The following UGGT2 variants were observed in gnomAD, a reference collection of about 807,000 sequenced individuals.
UGGT2 encodes the protein UDP-glucose:glycoprotein glucosyltransferase 2.
UGGT2 carries 180 observed loss-of-function variants against 192.1 expected under a neutral mutation model. The observed-to-expected ratio is 0.94, with a 90% CI of 0.83 to 1.06. The LOEUF (loss-of-function observed/expected upper bound fraction) is 1.06. Ranked by LOEUF, UGGT2 falls within the 50% of genes least tolerant of loss-of-function variation. UGGT2 has a pLI of 0.00. For missense variants in UGGT2, 1,849 were observed against 1,795.7 expected (o/e 1.03, Z -0.54); for synonymous variants, 580 against 591.0 (o/e 0.98, Z 0.27).
At position 96,053,244 on chromosome 13, in the gene UGGT2, C is replaced by G. The variant is rs887222265; in HGVS notation, c.69G>C (p.Gln23His). The G allele has an allele frequency of 1.9e-6, 3 of 1,555,682 alleles. No individual in the cohort carries two copies. Among genetic ancestry groups the G allele is most frequent in the Non-Finnish European group, 2.6e-6 (3 of 1,158,372 alleles). ...ACGCGGCGACCGTCCCGGAGCCGAG[C>G]TGCGAAAGCCACAGCGCTGTGGAGC... The part of the protein sequence containing the change: ...LLGSTALWLS[Q>H]LGSGTVAASK... Residue 23 changes from glutamine (Q) to histidine (H), a missense_variant, in exon 1 of 39, where the codon CAG (glutamine) becomes CAC (histidine). Physicochemically the swap from Gln to His is conservative, Grantham distance 24 (BLOSUM62 0). Coordinates refer to ENST00000376747, the MANE Select transcript of UGGT2 (RefSeq NM_020121.4).
intron 17 of UGGT2, among the ~76,000 whole-genome samples, chr13:95,935,896 G>A (rs2049446824): frequency 6.6e-6 from 1 of 152,276 alleles, no homozygotes; most frequent in African/African-American, 2.4e-5. Flanking sequence ...GCATGATCAT[G>A]ACTTACTGCA....
chr13:96,001,134 T>G (rs1338099396), intron 5 of UGGT2, among the ~76,000 whole-genome samples: 2 of 152,156 alleles, frequency 1.3e-5, no homozygotes, highest in East Asian at 3.9e-4. Flanking sequence ...AGCCATCGCA[T>G]CCCCTGTGAC....
intron 8 of UGGT2, among the ~76,000 whole-genome samples, chr13:95,989,045 A>G (rs1279141429): frequency 6.6e-6 from 1 of 151,892 alleles, no homozygotes; most frequent in Non-Finnish European, 1.5e-5. Flanking sequence ...ACAACTGGGG[A>G]GTTGGGAAAT....
rs114372295 is a variant in UGGT2, at chr13:95,815,461, G to T, written c.4529-13649C>A. Reference sequence around the variant, plus strand: ...ATTTCTATGTATTAGCAACCAACAAGAAATTTAAAAATACCATTTATATTA... The same window carrying T: ...ATTTCTATGTATTAGCAACCAACAATAAATTTAAAAATACCATTTATATTA... On this transcript the variant is annotated intron_variant, in intron 38 of 38. Coordinates refer to ENST00000376747, the MANE Select transcript of UGGT2 (RefSeq NM_020121.4). 3.2e-3 allele frequency among the ~76,000 whole-genome samples: 485 copies of T among 152,116 alleles called. 3 individuals are homozygous for T. The highest frequency in any genetic ancestry group is 0.011 in the African/African-American group (463 of 41,504).
Position 95,879,810 on chromosome 13 carries a change from T to C in UGGT2, c.3229-1954A>G, listed in dbSNP as rs1430124761. 3.3e-5 allele frequency among the ~76,000 whole-genome samples: 5 copies of C among 152,372 alleles called. No individual in the cohort carries two copies. In the East Asian group the frequency reaches 9.6e-4, roughly 29 times the overall value. ...TGCTTATGTTTCCATCTTCCCTTTA[T>C]ATTTTTATTTTCTGTTTTAAATATT... On this transcript the variant is annotated intron_variant, in intron 27 of 38. Transcript: ENST00000376747.
intron 27 of UGGT2, among the ~76,000 whole-genome samples, chr13:95,880,926 G>C (rs1370281027): frequency 6.6e-6 from 1 of 152,196 alleles, no homozygotes; most frequent in Non-Finnish European, 1.5e-5. Flanking sequence ...TGTAATCCCA[G>C]CACTTTGGGA....
At chr13:95,921,615 A>G (rs1237240452) in intron 20 of UGGT2, among the ~76,000 whole-genome samples, 1 of 152,164 alleles carries the variant, frequency 6.6e-6, no homozygotes, top group African/African-American at 2.4e-5. Context: ...ACCCCATTAC[A>G]GAGTGAGCAA....
chr13:95,808,032 T>C (rs1403218952), intron 38 of UGGT2, among the ~76,000 whole-genome samples: 1 of 152,090 alleles, frequency 6.6e-6, no homozygotes, highest in Non-Finnish European at 1.5e-5. Flanking sequence ...TTACAGATGT[T>C]GAGTTTGGGG....
intron 38 of UGGT2, among the ~76,000 whole-genome samples, chr13:95,806,964 T>C (rs1445678202): frequency 6.6e-6 from 1 of 152,168 alleles, no homozygotes; most frequent in Non-Finnish European, 1.5e-5. Flanking sequence ...CTTTGTGAAT[T>C]GGATTGGGCA....
rs368411329 is a variant in UGGT2, at chr13:95,899,095, G to A, written c.2634+1712C>T. On this transcript the variant is annotated intron_variant, in intron 22 of 38. Coordinates refer to ENST00000376747, the MANE Select transcript of UGGT2 (RefSeq NM_020121.4). ...TAATAAAAGAGTTCAAGACTGAAGG[G>A]AGCACTCTGTTGCCCTTCTACTTTC... Among the ~76,000 whole-genome samples, 10 of 152,230 alleles carry A rather than the reference G, an allele frequency of 6.6e-5. No homozygotes were observed. In the East Asian group the frequency reaches 1.5e-3, roughly 24 times the overall value.
Position 95,990,058 on chromosome 13 carries a change from A to T in UGGT2, c.846T>A (p.Asp282Glu). The T allele has an allele frequency of 6.3e-7, 1 of 1,598,272 alleles. No homozygotes were observed. The highest frequency in any genetic ancestry group is 8.5e-7 in the Non-Finnish European group (1 of 1,171,926). Reference sequence around the variant, plus strand: ...GGAATGCTGTCAGATTATCTCTAAGATCTGAATATATTTCTCTGCATCAAA... The same window carrying T: ...GGAATGCTGTCAGATTATCTCTAAGTTCTGAATATATTTCTCTGCATCAAA... Reference protein sequence around the residue: ...LFGKLKEIYSDLRDNLTAFQK... With the variant: ...LFGKLKEIYSELRDNLTAFQK... Residue 282 changes from aspartate to glutamate, a missense_variant, in exon 8 of 39, where the codon GAT (aspartate) becomes GAA (glutamate). By Grantham distance (45) the Asp-to-Glu change is conservative. Transcript: ENST00000376747.
Position 96,023,199 on chromosome 13 carries a change from A to T in UGGT2, c.373-47T>A, listed in dbSNP as rs117409407. 1.8e-3 allele frequency: 2,630 copies of T among 1,471,560 alleles called. 68 individuals are homozygous for T. The East Asian group carries it at 0.053, about 30-fold the overall frequency. The allele number at this position is 1,471,560 out of a possible 1,614,324, so 91.2% of individuals were successfully genotyped here. ...TTAGCTACAGCAGTTGATAATTACAATATGATTTTAAAACCCTCACACATT... is the reference window on the plus strand; with the variant it reads ...TTAGCTACAGCAGTTGATAATTACATTATGATTTTAAAACCCTCACACATT... On this transcript the variant is annotated intron_variant, in intron 3 of 38. Transcript: ENST00000376747.
intron 4 of UGGT2, among the ~76,000 whole-genome samples, chr13:96,014,612 A>G (rs965655771): frequency 6.6e-6 from 1 of 152,196 alleles, no homozygotes; most frequent in African/African-American, 2.4e-5. Flanking sequence ...TTAACCCCAA[A>G]TAGAATTTCA....
rs1238698936 is a variant in UGGT2 at position 95,860,779 on chromosome 13, T to C, written c.3740+9A>G. ...TTTTTCAAAATATAAGGTTAAAAAATATACCTACCTTAAAAAACGTTCATA... is the reference window on the plus strand; with the variant it reads ...TTTTTCAAAATATAAGGTTAAAAAACATACCTACCTTAAAAAACGTTCATA... On this transcript the variant is annotated intron_variant, in intron 32 of 38. Coordinates refer to ENST00000376747, the MANE Select transcript of UGGT2 (RefSeq NM_020121.4). 1.1e-5 allele frequency: 16 copies of C among 1,465,924 alleles called. No homozygotes were observed. The highest frequency in any genetic ancestry group is 4.5e-5 in the South Asian group (3 of 67,184). The allele number at this position is 1,465,924 out of a possible 1,614,324, so 90.8% of individuals were successfully genotyped here. A position where few individuals can be genotyped will look rare whatever the true frequency, so the allele number is the denominator to read the frequency against.
At chr13:95,980,005 C>T (rs1475346235) in intron 10 of UGGT2, among the ~76,000 whole-genome samples, 1 of 152,076 alleles carries the variant, frequency 6.6e-6, no homozygotes, top group East Asian at 1.9e-4. Context: ...CAGATGTTGG[C>T]ACGGATGTGG....
At position 96,023,711 on chromosome 13, in the gene UGGT2, A is replaced by C; in HGVS notation, c.290T>G (p.Phe97Cys). 6.2e-7 allele frequency: 1 copy of C among 1,611,002 alleles called. No homozygotes were observed. Among genetic ancestry groups the C allele is most frequent in the Non-Finnish European group, 8.5e-7 (1 of 1,177,780 alleles). The change falls in exon 3 of 39, where the codon TTT (phenylalanine) becomes TGT (cysteine). Residue 97 changes from phenylalanine to cysteine, a missense_variant. By Grantham distance (205) the Phe-to-Cys change is radical. Coordinates refer to ENST00000376747, the MANE Select transcript of UGGT2 (RefSeq NM_020121.4). ...AAGGTTGATGTGTAAATTGTCTAGA[A>C]ACTGTCCAGCTTTCTTCAGGATTAA... ...YNLILKKAGQ[F>C]LDNLHINLLK...
chr13:95,894,613 A>C lies in UGGT2; in HGVS notation c.2804T>G (p.Val935Gly). 6.2e-7 allele frequency: 1 copy of C among 1,612,492 alleles called. No individual in the cohort carries two copies. The highest frequency in any genetic ancestry group is 8.5e-7 in the Non-Finnish European group (1 of 1,179,062). ...ATCATATCGAGATGCACGCTTAGGC[A>C]CAGAGGACATAAGGGCATCAACTTT... is the stretch of plus-strand genomic sequence containing the variant. ...IMKVDALMSS[V>G]PKRASRYDVT... Residue 935 changes from valine to glycine, a missense_variant, in exon 24 of 39, where the codon GTG (valine) becomes GGG (glycine). Val to Gly is a moderately radical substitution (Grantham distance 109). Coordinates refer to ENST00000376747, the MANE Select transcript of UGGT2 (RefSeq NM_020121.4).
Position 95,872,934 on chromosome 13 carries a change from C to T in UGGT2, c.3473+4345G>A, listed in dbSNP as rs187544616. On this transcript the variant is annotated intron_variant, in intron 29 of 38. Transcript: ENST00000376747. Reference sequence around the variant, plus strand: ...TACTCAATATTCTACAATGATTTTCCCATTTAGTCCTTAGCAAAACCCCAC... The same window carrying T: ...TACTCAATATTCTACAATGATTTTCTCATTTAGTCCTTAGCAAAACCCCAC... Among the ~76,000 whole-genome samples, 6 of 152,172 alleles carry T rather than the reference C, an allele frequency of 3.9e-5. No homozygotes were observed. In the East Asian group the frequency reaches 9.6e-4, roughly 24 times the overall value.
intron 12 of UGGT2, among the ~76,000 whole-genome samples, chr13:95,950,552 A>G (rs1786227453): frequency 1.3e-5 from 2 of 151,086 alleles, no homozygotes; most frequent in South Asian, 4.2e-4. Context: ...AAAAAAAAAA[A>G]AGTCATGCAA....
Sources: gnomAD v4.1 joint callset for allele counts (sites outside exome capture counted in the v4.1 genomes callset) on GRCh38, gnomAD v4.1.1 for gene constraint, MANE v1.5 for transcripts, NCBI Gene and HGNC (gene_info 2026-07-23, HGNC 2026-07-21) for gene names.